The following HRH1 variants were observed in gnomAD, a reference collection of about 807,000 sequenced individuals.
The protein encoded by HRH1 is histamine H1 receptor.
HRH1 carries 6 observed loss-of-function variants against 10.3 expected under a neutral mutation model. The observed-to-expected ratio is 0.58, with a 90% CI of 0.32 to 1.15. The LOEUF (loss-of-function observed/expected upper bound fraction) is 1.15, where lower values mean the gene tolerates loss of function less well. Among genes scored for constraint, HRH1 ranks in the 50% most tolerant of loss-of-function variants. HRH1 has a pLI of 0.05. For synonymous variants in HRH1, 242 were observed against 236.7 expected (o/e 1.02, Z -0.21); for missense variants, 514 against 615.3 (o/e 0.84, Z 1.74).
chr3:11,238,692 C>T (rs1235910349), intron 1 of HRH1, among the ~76,000 whole-genome samples: 2 of 152,076 alleles, frequency 1.3e-5, no homozygotes, highest in Non-Finnish European at 2.9e-5. Flanking sequence ...CCCTTCCTGT[C>T]CCCCCCTCCA....
At chr3:11,192,883 G>A (rs1177482345) in intron 1 of HRH1, among the ~76,000 whole-genome samples, 1 of 151,954 alleles carries the variant, frequency 6.6e-6, no homozygotes, top group Non-Finnish European at 1.5e-5. Context: ...TGCCGTCTTG[G>A]GTTCATCTCT....
intron 1 of HRH1, among the ~76,000 whole-genome samples, chr3:11,207,009 C>T (rs1345763797): frequency 2.0e-5 from 3 of 151,962 alleles, no homozygotes; most frequent in Non-Finnish European, 4.4e-5. Flanking sequence ...AGGGCACACT[C>T]GGTCTGAGAG....
At chr3:11,201,038 C>G (rs918290376) in intron 1 of HRH1, among the ~76,000 whole-genome samples, 1 of 152,174 alleles carries the variant, frequency 6.6e-6, no homozygotes, top group Non-Finnish European at 1.5e-5. Flanking sequence ...AAAGATGCCC[C>G]TGCCCTCAAA....
At chr3:11,179,492 C>T (rs1446973630) in intron 1 of HRH1, among the ~76,000 whole-genome samples, 3 of 151,052 alleles carry the variant, frequency 2.0e-5, no homozygotes, top group East Asian at 3.9e-4. Context: ...TGGTGGCGGG[C>T]GCCTGTAGTC....
At chr3:11,149,029 G>C (rs1374285624) in intron 1 of HRH1, among the ~76,000 whole-genome samples, 2 of 152,066 alleles carry the variant, frequency 1.3e-5, no homozygotes, top group African/African-American at 4.8e-5. Flanking sequence ...GAGTGACTAG[G>C]TGTTATGTTG....
intron 1 of HRH1, among the ~76,000 whole-genome samples, chr3:11,221,001 ACT>A (rs2125039826): frequency 6.6e-6 from 1 of 152,156 alleles, no homozygotes; most frequent in East Asian, 1.9e-4. Flanking sequence ...TGTTAAATAG[ACT>A]CTCTGGAGTC....
At chr3:11,185,187 G>A (rs1223143516) in intron 1 of HRH1, among the ~76,000 whole-genome samples, 2 of 152,170 alleles carry the variant, frequency 1.3e-5, no homozygotes, top group Non-Finnish European at 2.9e-5. Flanking sequence ...TCTGGGGTAA[G>A]GCATCCCTGG....
intron 1 of HRH1, among the ~76,000 whole-genome samples, chr3:11,245,903 T>TCA (rs920294890): frequency 1.3e-5 from 2 of 151,910 alleles, no homozygotes; most frequent in Admixed American, 1.3e-4. Flanking sequence ...GCACATGCTC[T>TCA]CACACACACA....
At chr3:11,248,447 T>G (rs980345173) in intron 1 of HRH1, among the ~76,000 whole-genome samples, 7 of 152,096 alleles carry the variant, frequency 4.6e-5, no homozygotes, top group Non-Finnish European at 8.8e-5. Flanking sequence ...GAGGGACGTG[T>G]CTCTTTTTAC....
upstream of HRH1, among the ~76,000 whole-genome samples, chr3:11,153,335 C>CGTTATAAATT (rs1559253642): frequency 1.3e-5 from 2 of 152,150 alleles, no homozygotes; most frequent in African/African-American, 2.4e-5. Context: ...CTTTATGAAC[C>CGTTATAAATT]CTTGTGTTAC....
At chr3:11,161,194 G>T (rs1014521075) in intron 1 of HRH1, among the ~76,000 whole-genome samples, 1 of 152,236 alleles carries the variant, frequency 6.6e-6, no homozygotes, top group Non-Finnish European at 1.5e-5. Context: ...AGCACAGGAG[G>T]AGGACCGGAG....
chr3:11,208,972 C>A (rs1171586302), intron 1 of HRH1, among the ~76,000 whole-genome samples: 4 of 152,316 alleles, frequency 2.6e-5, no homozygotes, highest in East Asian at 1.9e-4. Flanking sequence ...ATTTGCATCA[C>A]CCCAGCCATG....
chr3:11,222,848 A>G (rs1277847060), intron 1 of HRH1, among the ~76,000 whole-genome samples: 2 of 152,052 alleles, frequency 1.3e-5, no homozygotes, highest in African/African-American at 2.4e-5. Context: ...AGTTGTCCAA[A>G]TGTGTGGTAA....
intron 1 of HRH1, among the ~76,000 whole-genome samples, chr3:11,224,679 G>A (rs1055502529): frequency 2.0e-5 from 3 of 148,674 alleles, no homozygotes; most frequent in East Asian, 4.0e-4. Context: ...CAGCCTGGGC[G>A]ACTGAGCGAG....
At chr3:11,140,577 C>T (rs1224960875) in intron 1 of HRH1, among the ~76,000 whole-genome samples, 1 of 152,174 alleles carries the variant, frequency 6.6e-6, no homozygotes, top group Non-Finnish European at 1.5e-5. Flanking sequence ...GAAGCCACTT[C>T]CCCATTCTCA....
chr3:11,240,186 T>TG (rs1939296884), intron 1 of HRH1, among the ~76,000 whole-genome samples: 1 of 152,134 alleles, frequency 6.6e-6, no homozygotes, highest in Non-Finnish European at 1.5e-5. Flanking sequence ...TGTCCACTCC[T>TG]GGGTCATTAT....
At chr3:11,179,917 T>C (rs562264449) in intron 1 of HRH1, among the ~76,000 whole-genome samples, 1 of 151,874 alleles carries the variant, frequency 6.6e-6, no homozygotes, top group Non-Finnish European at 1.5e-5. Flanking sequence ...ACCACAGGCA[T>C]GCGCCACCAT....
chr3:11,211,822 A>T (rs1280670850), intron 1 of HRH1, among the ~76,000 whole-genome samples: 3 of 152,224 alleles, frequency 2.0e-5, no homozygotes, highest in Non-Finnish European at 4.4e-5. Flanking sequence ...TTAAGCATAG[A>T]TGCAGAAGGC....
chr3:11,157,022 A>C (rs573322203), intron 1 of HRH1, among the ~76,000 whole-genome samples: 1 of 152,236 alleles, frequency 6.6e-6, no homozygotes, highest in African/African-American at 2.4e-5. Flanking sequence ...TGGCCATTGC[A>C]ACGAGTGTCA....
Sources: allele counts gnomAD v4.1 joint callset (sites outside exome capture counted in the v4.1 genomes callset), GRCh38; gene constraint gnomAD v4.1.1; transcripts MANE v1.5; gene names NCBI Gene and HGNC (gene_info 2026-07-23, HGNC 2026-07-21).